The following RP1 variants were observed in gnomAD, a reference collection of about 807,000 sequenced individuals.
The protein encoded by RP1 is RP1 axonemal microtubule associated.
Under a neutral mutation model 14.8 loss-of-function variants are expected in RP1, and 16 were observed. The observed-to-expected ratio is 1.08, with a 90% CI of 0.73 to 1.65. The LOEUF is 1.65. Among genes scored for constraint, RP1 ranks in the 40% most tolerant of loss-of-function variants. The pLI, the probability that RP1 is intolerant of heterozygous loss-of-function variation, is 0.00. For missense variants in RP1, 2,631 were observed against 2,535.0 expected, an observed-to-expected ratio of 1.04 and a Z score of -0.81; for synonymous variants, 876 against 883.6, an observed-to-expected ratio of 0.99 and a Z score of 0.15.
Position 54,789,841 on chromosome 8 carries a change from C to T in RP1, c.3615+6131C>T, listed in dbSNP as rs1294612664. Among the ~76,000 whole-genome samples the T allele has an allele frequency of 2.0e-5, 3 of 152,142 alleles. No individual in the cohort carries two copies. The South Asian group carries it at 6.2e-4, about 32-fold the overall frequency. Reference sequence around the variant, plus strand: ...CAACAGCTCTGCATTATCAGGCAACCCACCCAATAACCCTGCTGAACTGTG... The same window carrying T: ...CAACAGCTCTGCATTATCAGGCAACTCACCCAATAACCCTGCTGAACTGTG... On this transcript the variant is annotated intron_variant, in intron 24 of 28. Coordinates refer to the RP1 transcript ENST00000637698.
chr8:54,640,995 T>C (rs1215932128), intron 3 of RP1, among the ~76,000 whole-genome samples: 1 of 148,294 alleles, frequency 6.7e-6, no homozygotes, highest in Non-Finnish European at 1.5e-5. Context: ...AGTCTTGCCG[T>C]GTTGCCCAGG....
At chr8:54,777,369 A>G (rs1230552332) in intron 23 of RP1, among the ~76,000 whole-genome samples, 1 of 152,204 alleles carries the variant, frequency 6.6e-6, no homozygotes, top group Non-Finnish European at 1.5e-5. Flanking sequence ...TAATCACAGG[A>G]ATAACAAGAG....
intron 25 of RP1, among the ~76,000 whole-genome samples, chr8:54,852,135 A>G (rs1177500419): frequency 1.3e-5 from 2 of 152,156 alleles, no homozygotes; most frequent in East Asian, 3.9e-4. Context: ...CTCCGTCAAG[A>G]GGGCTATTAA....
chr8:54,689,442 G>T (rs1807654546), intron 12 of RP1, among the ~76,000 whole-genome samples: 1 of 152,018 alleles, frequency 6.6e-6, no homozygotes, highest in East Asian at 1.9e-4. Context: ...GCATTCCTCA[G>T]ATGAAAAGTT....
intron 1 of RP1, among the ~76,000 whole-genome samples, chr8:54,598,325 G>A (rs766242121): frequency 2.6e-5 from 4 of 151,910 alleles, no homozygotes; most frequent in Non-Finnish European, 4.4e-5. Context: ...ACTACTCTAA[G>A]TATTAAATTG....
chr8:54,864,094 A>G (rs1246258523), intron 27 of RP1, among the ~76,000 whole-genome samples: 1 of 152,240 alleles, frequency 6.6e-6, no homozygotes, highest in Non-Finnish European at 1.5e-5. Context: ...GGTTATAGAC[A>G]TAATTTACCA....
intron 7 of RP1, chr8:54,673,721 CAG>C (rs1170275680): frequency 1.3e-6 from 1 of 743,112 alleles, no homozygotes; most frequent in African/African-American, 1.8e-5. Flanking sequence ...GCCTGGGTGA[CAG>C]AGGGAGAGCC....
intron 1 of RP1, among the ~76,000 whole-genome samples, chr8:54,579,758 A>T (rs1286274062): frequency 6.6e-6 from 1 of 151,986 alleles, no homozygotes; most frequent in Non-Finnish European, 1.5e-5. Context: ...TCTCTATCCC[A>T]CTCTGTACTC....
At chr8:54,738,500 A>T (rs1808992464) in intron 18 of RP1, among the ~76,000 whole-genome samples, 1 of 152,226 alleles carries the variant, frequency 6.6e-6, no homozygotes, top group Non-Finnish European at 1.5e-5. Flanking sequence ...TCAGAGTACA[A>T]GGAAGTTCTA....
At chr8:54,660,385 A>G (rs573185702) in intron 6 of RP1, among the ~76,000 whole-genome samples, 1 of 152,330 alleles carries the variant, frequency 6.6e-6, no homozygotes, top group South Asian at 2.1e-4. Context: ...GCTTTTATCA[A>G]GGAAGGATGT....
rs570148330 is a variant in RP1, at chr8:54,654,224, T to C, written c.1038+1358T>C. On this transcript the variant is annotated intron_variant, in intron 5 of 22. Transcript: ENST00000636932. ...AAAATTTTCTGTTCAATTCTTATAA[T>C]ACAGTTTAGAAGTTTGAAATTTGAA... Among the ~76,000 whole-genome samples the C allele has an allele frequency of 2.0e-5, 3 of 152,348 alleles. No homozygotes were observed. In the South Asian group the frequency reaches 6.2e-4, roughly 32 times the overall value.
chr8:54,792,980 A>T (rs1452775407), intron 24 of RP1, among the ~76,000 whole-genome samples: 1 of 151,834 alleles, frequency 6.6e-6, no homozygotes, highest in Non-Finnish European at 1.5e-5. Context: ...TCAGATAAAT[A>T]AAATTATCAA....
At chr8:54,723,257 T>A (rs771434860) in intron 16 of RP1, among the ~76,000 whole-genome samples, 13 of 152,250 alleles carry the variant, frequency 8.5e-5, no homozygotes, top group Non-Finnish European at 1.8e-4. Context: ...TATTTGCTGT[T>A]ATGATTATTA....
intron 4 of RP1, among the ~76,000 whole-genome samples, chr8:54,650,497 A>G (rs1351452888): frequency 6.6e-6 from 1 of 152,204 alleles, no homozygotes; most frequent in Non-Finnish European, 1.5e-5. Flanking sequence ...GGCATATAGT[A>G]CATTCACAGT....
intron 15 of RP1, among the ~76,000 whole-genome samples, chr8:54,707,233 C>G (rs922552882): frequency 6.6e-6 from 1 of 152,162 alleles, no homozygotes. Context: ...AGGTGATCCT[C>G]CTGCCTCAGT....
intron 1 of RP1, among the ~76,000 whole-genome samples, chr8:54,588,393 G>A (rs1457541336): frequency 6.6e-6 from 1 of 152,172 alleles, no homozygotes; most frequent in South Asian, 2.1e-4. Flanking sequence ...ATGGAGCTGA[G>A]GTTCAGAGAG....
At chr8:54,674,656 T>C (rs925332715) in intron 8 of RP1, among the ~76,000 whole-genome samples, 1 of 151,950 alleles carries the variant, frequency 6.6e-6, no homozygotes, top group Non-Finnish European at 1.5e-5. Flanking sequence ...AGGTAATTAA[T>C]GAAGGAATTA....
intron 1 of RP1, among the ~76,000 whole-genome samples, chr8:54,606,977 C>T (rs867691051): frequency 2.6e-5 from 4 of 152,070 alleles, no homozygotes; most frequent in South Asian, 2.1e-4. Context: ...AACTTCTTTG[C>T]CATGGGTTCG....
chr8:54,585,588 G>A (rs1041533770), intron 1 of RP1, among the ~76,000 whole-genome samples: 21 of 152,354 alleles, frequency 1.4e-4, no homozygotes, highest in African/African-American at 4.8e-4. Flanking sequence ...ATCCTGCAGA[G>A]TGTTTTCCAA....
Sources: allele counts gnomAD v4.1 joint callset (sites outside exome capture counted in the v4.1 genomes callset), GRCh38; gene constraint gnomAD v4.1.1; transcripts MANE v1.5; gene names NCBI Gene and HGNC (gene_info 2026-07-23, HGNC 2026-07-21).